The following MMS19 variants were observed in gnomAD, a reference collection of about 807,000 sequenced individuals.
MMS19 encodes the protein MMS19 cytosolic iron-sulfur assembly component, also known as MMS19 nucleotide excision repair protein homolog.
Under a neutral mutation model 129.8 loss-of-function variants are expected in MMS19, and 77 were observed. The ratio of observed to expected loss-of-function variants is 0.59; its 90% CI spans 0.49 to 0.72. The LOEUF is 0.72. MMS19 is among the 30% of genes least tolerant of loss of function. The pLI, the probability that MMS19 is intolerant of heterozygous loss-of-function variation, is 0.00. For synonymous variants in MMS19, 491 were observed against 502.8 expected (o/e 0.98, Z 0.31); for missense variants, 1,168 against 1,266.3 (o/e 0.92, Z 1.18).
intron 1 of MMS19, among the ~76,000 whole-genome samples, chr10:97,488,182 G>A (rs899702769): frequency 2.0e-5 from 3 of 152,074 alleles, no homozygotes; most frequent in Non-Finnish European, 2.9e-5. Context: ...AAGTATGTAC[G>A]AAAAGGTGCT....
intron 23 of MMS19, 70 bp from the exon 24 acceptor site, chr10:97,461,077 CTT>C: frequency 2.3e-6 from 3 of 1,284,082 alleles, no homozygotes; most frequent in Admixed American, 4.7e-5. Context: ...ATGCAAATCA[CTT>C]TAAGTGCAGA....
At chr10:97,481,607 T>A (rs1027796271) in intron 2 of MMS19, among the ~76,000 whole-genome samples, 1 of 152,162 alleles carries the variant, frequency 6.6e-6, no homozygotes, top group African/African-American at 2.4e-5. Context: ...TTTAACTAGT[T>A]AACTAGGTAG....
In MMS19 at chr10:97,498,388, G is replaced by C. The variant is rs1043386619; in HGVS notation, c.-4C>G. 6.3e-6 allele frequency: 10 copies of C among 1,580,194 alleles called. No homozygotes were observed. The highest frequency in any genetic ancestry group is 8.5e-6 in the Non-Finnish European group (10 of 1,171,054). On this transcript the variant is annotated 5_prime_UTR_variant, in exon 1 of 31. Coordinates refer to ENST00000438925, the MANE Select transcript of MMS19 (RefSeq NM_022362.5). ...CCACAGCCGCGGCAGCGGCCATAAC[G>C]CGAACTAGAGACCGTGGGAGGGGAT... is the stretch of plus-strand genomic sequence containing the variant.
chr10:97,463,849 G>GA lies in MMS19; in HGVS notation c.1912+8dup. The GA allele has an allele frequency of 6.2e-7, 1 of 1,607,360 alleles. No homozygotes were observed. The highest frequency in any genetic ancestry group is 8.5e-7 in the Non-Finnish European group (1 of 1,176,944). ...TCCCAAAGGCCAGGAAGGAGAGGTG[G>GA]AAAGTTACCTGGCATAGAGGCCTGC... On this transcript the variant is annotated intron_variant, in intron 19 of 30. Coordinates refer to ENST00000438925, the MANE Select transcript of MMS19 (RefSeq NM_022362.5).
intron 1 of MMS19, among the ~76,000 whole-genome samples, chr10:97,490,125 G>T (rs928434129): frequency 1.3e-5 from 2 of 152,038 alleles, no homozygotes; most frequent in Non-Finnish European, 2.9e-5. Flanking sequence ...GCAGGGTCTA[G>T]CTCTGTGCAG....
chr10:97,475,126 T>C (rs1442847088), intron 8 of MMS19, among the ~76,000 whole-genome samples: 2 of 152,132 alleles, frequency 1.3e-5, no homozygotes, highest in Non-Finnish European at 2.9e-5. Flanking sequence ...TATGCAGCCA[T>C]AAAGAATGAA....
rs754178939 is a variant in MMS19, at chr10:97,466,149, C to T, written c.1516G>A (p.Ala506Thr). 64 of 1,568,894 alleles carry T rather than the reference C, an allele frequency of 4.1e-5. No homozygotes were observed. The highest frequency in any genetic ancestry group is 1.7e-4 in the Middle Eastern group (1 of 6,018). ...GCCAGGGTTCCTGATGCTTCCAGTG[C>T]TGCCACCCTGCTGGAGGCGCAGAGC... ...KEDSQSCRVAALEASGTLAAL... is the reference protein window; with the variant it reads ...KEDSQSCRVATLEASGTLAAL... The change falls in exon 17 of 31, where the codon GCA becomes ACA. Residue 506 changes from alanine to threonine, a missense_variant. Physicochemically the swap from Ala to Thr is moderately conservative, Grantham distance 58 (BLOSUM62 0). Coordinates refer to ENST00000438925, the MANE Select transcript of MMS19 (RefSeq NM_022362.5).
At position 97,458,563 on chromosome 10, in the gene MMS19, C is replaced by A. The variant is rs2030518625; in HGVS notation, c.*129G>T. 2.3e-6 allele frequency: 2 copies of A among 856,392 alleles called. No individual in the cohort carries two copies. The highest frequency in any genetic ancestry group is 3.4e-5 in the African/African-American group (2 of 58,452). The allele number at this position is 856,392 out of a possible 1,614,324, so 53.0% of individuals were successfully genotyped here. A position where few individuals can be genotyped will look rare whatever the true frequency, so the allele number is the denominator to read the frequency against. On this transcript the variant is annotated 3_prime_UTR_variant, in exon 31 of 31. Coordinates refer to ENST00000438925, the MANE Select transcript of MMS19 (RefSeq NM_022362.5). ...CTTTGTACAGCCATGCAACAGAGGC[C>A]TAGCATTTGTGCTGTGTCTGTGGGA...
At chr10:97,469,763 A>AC (rs2034298953) in intron 10 of MMS19, 40 bp from the exon 11 acceptor site, 1 of 1,571,710 alleles carries the variant, frequency 6.4e-7, no homozygotes, top group Admixed American at 1.7e-5. Context: ...GTACACACTC[A>AC]GACACCCTAG....
intron 19 of MMS19, 117 bp downstream of exon 19, chr10:97,463,741 G>T: frequency 1.0e-6 from 1 of 995,058 alleles, no homozygotes; most frequent in Non-Finnish European, 1.5e-6. Context: ...ACAAAGGATT[G>T]AAAATAAACC....
Position 97,470,164 on chromosome 10 carries a change from C to G in MMS19, c.811G>C (p.Val271Leu). The G allele has an allele frequency of 6.2e-7, 1 of 1,610,152 alleles. No homozygotes were observed. The highest frequency in any genetic ancestry group is 8.5e-7 in the Non-Finnish European group (1 of 1,178,204). The change falls in exon 10 of 31, where the codon GTT (valine) becomes CTT (leucine). Residue 271 changes from valine to leucine, a missense_variant. This residue lies in a region of MMS19 where 8 missense variants were observed against 26.9 expected (regional missense o/e 0.30). Coordinates refer to ENST00000438925, the MANE Select transcript of MMS19 (RefSeq NM_022362.5). ...PLLIEKVDSE[V>L]LSAKLDSLQT... ...AGAGAATCCAACTTGGCACTCAGAA[C>G]CTCAGAATCCACTTTCTCAATCAAC...
chr10:97,463,410 T>G (rs1003447075), intron 19 of MMS19, among the ~76,000 whole-genome samples: 1 of 152,230 alleles, frequency 6.6e-6, no homozygotes, highest in African/African-American at 2.4e-5. Context: ...CCTCCCATCT[T>G]GGCCTCCTGA....
At chr10:97,466,935 G>T (rs200958120) in intron 14 of MMS19, 34 bp from the exon 15 acceptor site, 49 of 1,612,252 alleles carry the variant, frequency 3.0e-5, no homozygotes, top group Non-Finnish European at 4.1e-5. Context: ...TTAGAAGGAA[G>T]CCACTGCATT....
chr10:97,464,826 G>A (rs2033036811), intron 18 of MMS19, among the ~76,000 whole-genome samples: 1 of 151,720 alleles, frequency 6.6e-6, no homozygotes, highest in Admixed American at 6.6e-5. Context: ...AGCCTCCCAA[G>A]TAGCTGGGAC....
chr10:97,485,636 T>G (rs566650091), intron 1 of MMS19, among the ~76,000 whole-genome samples: 4 of 151,862 alleles, frequency 2.6e-5, no homozygotes, highest in Non-Finnish European at 4.4e-5. Flanking sequence ...TTAGTAGAGA[T>G]AGGGCTTTAC....
intron 1 of MMS19, among the ~76,000 whole-genome samples, chr10:97,491,991 A>G (rs566818919): frequency 6.6e-6 from 1 of 152,030 alleles, no homozygotes; most frequent in East Asian, 1.9e-4. Flanking sequence ...CACAAAAACT[A>G]GCCGGGTGTG....
rs2032740490 is a variant in MMS19 at position 97,463,932 on chromosome 10, G to A, written c.1838C>T (p.Pro613Leu). The A allele has an allele frequency of 6.2e-7, 1 of 1,612,754 alleles. No individual in the cohort carries two copies. Among genetic ancestry groups the A allele is most frequent in the African/African-American group, 1.3e-5 (1 of 74,928 alleles). Residue 613 changes from proline to leucine, a missense_variant, in exon 19 of 31, where the codon CCT (proline) becomes CTT (leucine). By Grantham distance (98) the Pro-to-Leu change is moderately conservative. This residue lies in a region of MMS19 where 831 missense variants were observed against 910.8 expected (regional missense o/e 0.91). Coordinates refer to ENST00000438925, the MANE Select transcript of MMS19 (RefSeq NM_022362.5). ...RQMAEKCQQD[P>L]ESCWYFHQTA... ...CTGGTGGAAATACCAGCAACTCTCA[G>A]GGTCCTGCTGACATTTTTCTGCCAT... is the stretch of plus-strand genomic sequence containing the variant.
At chr10:97,478,254 A>C in intron 4 of MMS19, 50 bp downstream of exon 4, 1 of 1,448,152 alleles carries the variant, frequency 6.9e-7, no homozygotes, top group African/African-American at 1.4e-5. Flanking sequence ...AGAGAACTAG[A>C]CAAGGGCTCC....
In MMS19 at chr10:97,465,890, T is replaced by A. The variant is rs754667347; in HGVS notation, c.1671A>T (p.Gln557His). 10 of 1,613,868 alleles carry A rather than the reference T, an allele frequency of 6.2e-6. No individual in the cohort carries two copies. In the East Asian group the frequency reaches 2.2e-4, roughly 36 times the overall value. ...TQCSRHLCCL[Q>H]ALSAVSTHPS... is the part of the protein sequence containing the mutation. ...GATGTGTTGATACAGCTGACAAGGC[T>A]TGCAGACAGCACAGATGCCGGGAGC... Residue 557 changes from glutamine (Q) to histidine (H), a missense_variant, in exon 18 of 31, where the codon CAA (glutamine) becomes CAT (histidine). Physicochemically the swap from Gln to His is conservative, Grantham distance 24. Coordinates refer to ENST00000438925, the MANE Select transcript of MMS19 (RefSeq NM_022362.5).
Sources: gnomAD v4.1 joint callset for allele counts (sites outside exome capture counted in the v4.1 genomes callset) on GRCh38, gnomAD v4.1.1 for gene constraint, gnomAD v4.1.1 regional missense constraint, MANE v1.5 for transcripts, NCBI Gene and HGNC (gene_info 2026-07-23, HGNC 2026-07-21) for gene names.